The following SUCNR1 variants were observed in gnomAD, a reference collection of about 807,000 sequenced individuals.
SUCNR1 encodes the protein G-protein coupled receptor 91.
A neutral mutation model predicts 2.4 loss-of-function variants in SUCNR1; 5 were observed. That is an observed-to-expected ratio of 2.07 (90% CI 1.08 to 4.36). The LOEUF (loss-of-function observed/expected upper bound fraction) is 4.36. Among genes scored for constraint, SUCNR1 ranks in the 30% most tolerant of loss-of-function variants. The pLI, the probability that SUCNR1 is intolerant of heterozygous loss-of-function variation, is 0.00. For missense variants in SUCNR1, 373 were observed against 399.2 expected, an observed-to-expected ratio of 0.93 and a Z score of 0.56; for synonymous variants, 162 against 143.9, an observed-to-expected ratio of 1.13 and a Z score of -0.90.
At chr3:151,877,453 G>A (rs532295329) in intron 1 of SUCNR1, among the ~76,000 whole-genome samples, 6 of 152,230 alleles carry the variant, frequency 3.9e-5, no homozygotes, top group Admixed American at 2.6e-4. Context: ...AGCAGAATAT[G>A]ACATAGAGCA....
Position 151,879,920 on chromosome 3 carries a change from A to T in SUCNR1, c.15+13A>T. The T allele has an allele frequency of 6.4e-7, 1 of 1,566,640 alleles. No individual in the cohort carries two copies. Among genetic ancestry groups the T allele is most frequent in the Non-Finnish European group, 8.7e-7 (1 of 1,155,532 alleles). ...GCTGGGGATCATGGTATGTTTAGAG[A>T]CACAAAAGTGAATTCAAAATCTTCT... On this transcript the variant is annotated intron_variant, in intron 2 of 2. Transcript: ENST00000362032.
intron 1 of SUCNR1, among the ~76,000 whole-genome samples, chr3:151,876,864 T>C (rs901701573): frequency 2.6e-5 from 4 of 152,154 alleles, no homozygotes; most frequent in African/African-American, 9.7e-5. Flanking sequence ...TTCATATTCA[T>C]CTCTTCACTC....
chr3:151,874,377 C>T (rs1358314287), intron 1 of SUCNR1, among the ~76,000 whole-genome samples: 2 of 151,534 alleles, frequency 1.3e-5, no homozygotes, highest in African/African-American at 4.9e-5. Context: ...GGAGTTTCAC[C>T]ATGTTGGTCA....
chr3:151,881,631 G>A lies in SUCNR1; in HGVS notation c.*83G>A, dbSNP rs1214411970. ...TTAACTCATAGACATCAATCAGAGA[G>A]TGTCACAGATTTAACCTTGATCTAA... On this transcript the variant is annotated 3_prime_UTR_variant, in exon 3 of 3. Coordinates refer to ENST00000362032, the MANE Select transcript of SUCNR1 (RefSeq NM_033050.6). The A allele has an allele frequency of 6.3e-6, 8 of 1,272,096 alleles. No homozygotes were observed. In the African/African-American group the frequency reaches 7.5e-5, roughly 12 times the overall value. 78.8% of individuals were successfully genotyped at this position (1,272,096 alleles called of 1,614,324 possible). A position where few individuals can be genotyped will look rare whatever the true frequency, so the allele number is the denominator to read the frequency against.
chr3:151,874,107 CACACACACAT>C (rs1382291142), intron 1 of SUCNR1, among the ~76,000 whole-genome samples: 2 of 111,214 alleles, frequency 1.8e-5, no homozygotes, highest in African/African-American at 8.8e-5. Flanking sequence ...CACACACACA[CACACACACAT>C]ATACATACAT....
chr3:151,874,140 ATATATATTT>A (rs1295190846), intron 1 of SUCNR1, among the ~76,000 whole-genome samples: 3 of 62,220 alleles, frequency 4.8e-5, no homozygotes, highest in African/African-American at 1.3e-4. Flanking sequence ...ATATATATAT[ATATATATTT>A]TTTTTTTTTT....
At chr3:151,874,966 C>CAT (rs1376186738) in intron 1 of SUCNR1, among the ~76,000 whole-genome samples, 7 of 152,036 alleles carry the variant, frequency 4.6e-5, no homozygotes, top group Admixed American at 1.3e-4. Context: ...GAAACTATCA[C>CAT]ATATATATTT....
rs1718166987 is a variant in SUCNR1, at chr3:151,883,514, T to A, written c.*1966T>A. 1 of 121,938 alleles carries A rather than the reference T, an allele frequency of 8.2e-6. No individual in the cohort carries two copies. The highest frequency in any genetic ancestry group is 2.6e-4 in the South Asian group (1 of 3,784). The allele number at this position is 121,938 out of a possible 1,614,324, so 7.6% of individuals were successfully genotyped here. ...TATATATATATATATATGTACCTTG[T>A]AAACAAGAGGTTAAGAAATTTTATA... On this transcript the variant is annotated 3_prime_UTR_variant, in exon 3 of 3. Transcript: ENST00000362032.
intron 2 of SUCNR1, among the ~76,000 whole-genome samples, chr3:151,880,214 T>C (rs1718046360): frequency 6.6e-6 from 1 of 152,194 alleles, no homozygotes; most frequent in Non-Finnish European, 1.5e-5. Flanking sequence ...TTCCCATATG[T>C]TTTTATTCAT....
intron 1 of SUCNR1, among the ~76,000 whole-genome samples, chr3:151,877,028 A>G (rs960898812): frequency 1.4e-4 from 22 of 152,202 alleles, no homozygotes; most frequent in Non-Finnish European, 3.2e-4. Context: ...AGGGTCAGAC[A>G]GCCTACCTTG....
chr3:151,880,183 A>G lies in SUCNR1; in HGVS notation c.15+276A>G, dbSNP rs75265510. ...TGAGTCACTGCCACCCTCCATCCCA[A>G]AACTTTCTAATATTTTTACCTTCCC... On this transcript the variant is annotated intron_variant, in intron 2 of 2. Transcript: ENST00000362032. 0.013 allele frequency among the ~76,000 whole-genome samples: 2,022 copies of G among 152,176 alleles called. 150 individuals are homozygous for G. In the East Asian group the frequency reaches 0.24, roughly 18 times the overall value.
intron 1 of SUCNR1, among the ~76,000 whole-genome samples, chr3:151,879,059 G>A (rs1012906399): frequency 1.3e-5 from 2 of 152,194 alleles, no homozygotes; most frequent in Non-Finnish European, 2.9e-5. Context: ...GAGGTTTTTA[G>A]AACATTTTGT....
rs1718059898 is a variant in SUCNR1 at position 151,880,622 on chromosome 3, T to C, written c.79T>C (p.Ser27Pro). 1 of 1,613,882 alleles carries C rather than the reference T, an allele frequency of 6.2e-7. No homozygotes were observed. The highest frequency in any genetic ancestry group is 8.5e-7 in the Non-Finnish European group (1 of 1,179,912). The change falls in exon 3 of 3, where the codon TCC becomes CCC. Residue 27 changes from serine to proline, a missense_variant. Around this residue, in one of 3 missense-constraint regions of SUCNR1, gnomAD observed 184 missense variants for 162.2 expected, o/e 1.13. Transcript: ENST00000362032. Reference sequence around the variant, plus strand: ...GGCTGCCCTGGAAAAGTACTACCTTTCCATTTTTTATGGGATTGAGTTCGT... The same window carrying C: ...GGCTGCCCTGGAAAAGTACTACCTTCCCATTTTTTATGGGATTGAGTTCGT... ...AEAALEKYYL[S>P]IFYGIEFVVG...
chr3:151,879,632 G>A (rs1486471427), intron 1 of SUCNR1, among the ~76,000 whole-genome samples: 1 of 152,058 alleles, frequency 6.6e-6, no homozygotes, highest in African/African-American at 2.4e-5. Flanking sequence ...AAATTACTGA[G>A]TCTGAGGCAT....
intron 1 of SUCNR1, among the ~76,000 whole-genome samples, chr3:151,877,282 T>G (rs1362649686): frequency 2.0e-5 from 3 of 152,142 alleles, no homozygotes; most frequent in African/African-American, 7.2e-5. Context: ...ATGTCCCCAT[T>G]AAGGATTTTA....
At position 151,881,636 on chromosome 3, in the gene SUCNR1, A is replaced by G. The variant is rs952556789; in HGVS notation, c.*88A>G. On this transcript the variant is annotated 3_prime_UTR_variant, in exon 3 of 3. Transcript: ENST00000362032. ...TCATAGACATCAATCAGAGAGTGTC[A>G]CAGATTTAACCTTGATCTAAAGACA... 2.5e-5 allele frequency: 30 copies of G among 1,224,412 alleles called. No individual in the cohort carries two copies. The African/African-American group carries it at 3.0e-4, about 12-fold the overall frequency. 75.8% of individuals were successfully genotyped at this position (1,224,412 alleles called of 1,614,324 possible).
Position 151,881,183 on chromosome 3 carries a change from C to CTAA in SUCNR1, c.641_643dup (p.Leu214_Lys215insIle). ...CTTTTATTACAAGATTGCTCTCTTC[C>CTAA]TAAAGCAGAGGAATAGGCAGGTTGC... On this transcript the variant is annotated inframe_insertion, in exon 3 of 3. Coordinates refer to ENST00000362032, the MANE Select transcript of SUCNR1 (RefSeq NM_033050.6). 1 of 1,614,140 alleles carries CTAA rather than the reference C, an allele frequency of 6.2e-7. No homozygotes were observed. The highest frequency in any genetic ancestry group is 1.7e-5 in the Admixed American group (1 of 60,012).
In SUCNR1 at chr3:151,883,876, T is replaced by C. The variant is rs1718175120; in HGVS notation, c.*2328T>C. On this transcript the variant is annotated 3_prime_UTR_variant, in exon 3 of 3. Transcript: ENST00000362032. ...ACCCTATAGCTAAAGATTGCTACTTTAGTTTATTACATTCAGAACTTTCTT... is the reference window on the plus strand; with the variant it reads ...ACCCTATAGCTAAAGATTGCTACTTCAGTTTATTACATTCAGAACTTTCTT... The C allele has an allele frequency of 6.6e-6, 1 of 152,180 alleles. No individual in the cohort carries two copies. Among genetic ancestry groups the C allele is most frequent in the Middle Eastern group, 3.2e-3 (1 of 316 alleles). 9.4% of individuals were successfully genotyped at this position (152,180 alleles called of 1,614,324 possible).
Position 151,881,174 on chromosome 3 carries a change from G to A in SUCNR1, c.631G>A (p.Ala211Thr), listed in dbSNP as rs764695693. The A allele has an allele frequency of 6.2e-7, 1 of 1,614,106 alleles. No individual in the cohort carries two copies. Among genetic ancestry groups the A allele is most frequent in the Admixed American group, 1.7e-5 (1 of 60,006 alleles). Residue 211 changes from alanine to threonine, a missense_variant, in exon 3 of 3, where the codon GCT becomes ACT. Ala to Thr is a moderately conservative substitution (Grantham distance 58). Transcript: ENST00000362032. ...GATGTGTTTCTTTTATTACAAGATT[G>A]CTCTCTTCCTAAAGCAGAGGAATAG... ...FVMCFFYYKI[A>T]LFLKQRNRQV...
Sources: gnomAD v4.1 joint callset for allele counts (sites outside exome capture counted in the v4.1 genomes callset) on GRCh38, gnomAD v4.1.1 for gene constraint, gnomAD v4.1.1 regional missense constraint, MANE v1.5 for transcripts, NCBI Gene and HGNC (gene_info 2026-07-23, HGNC 2026-07-21) for gene names.